RBFOX1: variants seen among roughly 807,000 people sequenced by gnomAD.
The protein encoded by RBFOX1 is RNA binding fox-1 homolog 1.
A neutral mutation model predicts 57.7 loss-of-function variants in RBFOX1; 8 were observed. The observed-to-expected ratio is 0.14, with a 90% CI of 0.08 to 0.25. RBFOX1 has a LOEUF of 0.25. RBFOX1 is among the 10% of genes least tolerant of loss of function. The probability of loss-of-function intolerance (pLI) is 1.00; values close to 1 mark genes in which losing one functional copy is unlikely to be tolerated. For missense variants in RBFOX1, 611 were observed against 548.5 expected, an observed-to-expected ratio of 1.11 and a Z score of -1.14; for synonymous variants, 326 against 222.4, an observed-to-expected ratio of 1.47 and a Z score of -4.15.
intron 2 of RBFOX1, among the ~76,000 whole-genome samples, chr16:6,551,292 A>C (rs942339797): frequency 6.6e-6 from 1 of 152,130 alleles, no homozygotes; most frequent in Non-Finnish European, 1.5e-5. Flanking sequence ...TCATGGTTGG[A>C]GCTTTGCTAC....
At chr16:7,398,982 A>C (rs950973061) in intron 4 of RBFOX1, among the ~76,000 whole-genome samples, 10 of 152,234 alleles carry the variant, frequency 6.6e-5, no homozygotes, top group Admixed American at 5.9e-4. Context: ...TTTGATGTCA[A>C]GGTGTCAACG....
intron 1 of RBFOX1, among the ~76,000 whole-genome samples, chr16:6,259,822 C>G (rs1289631686): frequency 6.6e-6 from 1 of 151,754 alleles, no homozygotes; most frequent in African/African-American, 2.4e-5. Context: ...GTAGCCAGGC[C>G]TGGTGGTGCA....
At chr16:6,588,730 G>C (rs1409877734) in intron 2 of RBFOX1, among the ~76,000 whole-genome samples, 1 of 152,098 alleles carries the variant, frequency 6.6e-6, no homozygotes, top group Non-Finnish European at 1.5e-5. Context: ...AGTTAGTCTT[G>C]GACCATTTTC....
chr16:7,541,766 T>G (rs1484635671), intron 5 of RBFOX1, among the ~76,000 whole-genome samples: 1 of 152,214 alleles, frequency 6.6e-6, no homozygotes, highest in Non-Finnish European at 1.5e-5. Flanking sequence ...GCCTTGGGCC[T>G]GTCATGTTTT....
intron 2 of RBFOX1, among the ~76,000 whole-genome samples, chr16:6,347,881 C>T (rs1371649908): frequency 6.6e-6 from 1 of 152,196 alleles, no homozygotes; most frequent in Admixed American, 6.5e-5. Context: ...TCCTCAGTGA[C>T]CTCCAACAGC....
intron 2 of RBFOX1, among the ~76,000 whole-genome samples, chr16:5,505,967 C>A (rs1222895558): frequency 1.3e-5 from 2 of 152,130 alleles, no homozygotes; most frequent in Non-Finnish European, 2.9e-5. Flanking sequence ...TCCCCTCCCG[C>A]ATTGACCCAG....
At position 7,507,565 on chromosome 16, in the gene RBFOX1, C is replaced by CTTT. The variant is rs3030308; in HGVS notation, c.28-10568_28-10566dup. On this transcript the variant is annotated intron_variant, in intron 4 of 15. Coordinates refer to ENST00000550418, the MANE Select transcript of RBFOX1 (RefSeq NM_018723.4). ...AACGTGATTTTTTTTTTCTTTCTTT[C>CTTT]TTTTTTTTTTTTTTTTGAGACGGAG... Among the ~76,000 whole-genome samples the CTTT allele has an allele frequency of 9.9e-3, 1,311 of 132,438 alleles. 25 individuals carry two copies. Among genetic ancestry groups the CTTT allele is most frequent in the Middle Eastern group, 0.021 (5 of 236 alleles). 86.9% of individuals were successfully genotyped at this position (132,438 alleles called of 152,430 possible). A position where few individuals can be genotyped will look rare whatever the true frequency, so the allele number is the denominator to read the frequency against.
intron 4 of RBFOX1, among the ~76,000 whole-genome samples, chr16:7,118,339 G>C (rs1241718525): frequency 6.6e-6 from 1 of 151,102 alleles, no homozygotes; most frequent in Non-Finnish European, 1.5e-5. Flanking sequence ...CTGATGATTA[G>C]TGATAAGCAT....
At chr16:5,441,897 C>T (rs1365806970) in intron 1 of RBFOX1, among the ~76,000 whole-genome samples, 1 of 152,124 alleles carries the variant, frequency 6.6e-6, no homozygotes, top group African/African-American at 2.4e-5. Context: ...CAGTAATCTC[C>T]ACTTGTTCTC....
At chr16:6,711,557 G>A (rs764941057) in intron 3 of RBFOX1, among the ~76,000 whole-genome samples, 1 of 152,188 alleles carries the variant, frequency 6.6e-6, no homozygotes, top group Non-Finnish European at 1.5e-5. Context: ...TGGCAGTTCT[G>A]CCCTCACTCT....
At chr16:5,941,282 G>T (rs999941456) in intron 4 of RBFOX1, among the ~76,000 whole-genome samples, 1 of 152,016 alleles carries the variant, frequency 6.6e-6, no homozygotes. Flanking sequence ...TTGAGGCCAG[G>T]AGTTCAAGAC....
chr16:5,536,640 G>T (rs1333758605), intron 2 of RBFOX1, among the ~76,000 whole-genome samples: 1 of 152,140 alleles, frequency 6.6e-6, no homozygotes, highest in African/African-American at 2.4e-5. Context: ...GCATAAATGG[G>T]AGACAAGCGT....
At chr16:5,520,078 A>G (rs191554751) in intron 2 of RBFOX1, among the ~76,000 whole-genome samples, 11 of 152,320 alleles carry the variant, frequency 7.2e-5, no homozygotes, top group Admixed American at 4.6e-4. Context: ...ACAGGATGTG[A>G]TGGAATCATT....
intron 4 of RBFOX1, among the ~76,000 whole-genome samples, chr16:5,877,534 C>A (rs561927863): frequency 6.6e-5 from 10 of 152,330 alleles, no homozygotes; most frequent in African/African-American, 2.4e-4. Context: ...GCAGGCGAGC[C>A]CCACAACTGG....
chr16:6,060,945 G>T (rs1045626805), intron 1 of RBFOX1, among the ~76,000 whole-genome samples: 3 of 152,178 alleles, frequency 2.0e-5, no homozygotes, highest in Non-Finnish European at 4.4e-5. Context: ...ACACGGGGCT[G>T]CCCTGAACCC....
intron 4 of RBFOX1, among the ~76,000 whole-genome samples, chr16:7,460,684 T>A (rs998842188): frequency 2.0e-5 from 3 of 151,820 alleles, no homozygotes; most frequent in African/African-American, 7.3e-5. Context: ...TTTACCTGTG[T>A]AACAATCCTG....
At chr16:5,330,708 T>C (rs2064729507) in intron 1 of RBFOX1, among the ~76,000 whole-genome samples, 1 of 126,310 alleles carries the variant, frequency 7.9e-6, no homozygotes, top group African/African-American at 3.5e-5. Context: ...CCCAGCCTAC[T>C]TTTTTTTTTT....
intron 2 of RBFOX1, among the ~76,000 whole-genome samples, chr16:6,485,211 G>C (rs775539884): frequency 2.0e-5 from 3 of 152,146 alleles, no homozygotes; most frequent in Non-Finnish European, 4.4e-5. Flanking sequence ...GATTTTCCAA[G>C]TCTTATCTGC....
chr16:5,492,797 A>G lies in RBFOX1; in HGVS notation c.258+25543A>G, dbSNP rs149987635. ...AGAAAGTCATGAATATCTCACTCTT[A>G]TTTAGTGTTCTAAACCATTAAACCA... On this transcript the variant is annotated intron_variant, in intron 2 of 2. Transcript: ENST00000585867. Among the ~76,000 whole-genome samples, 323 of 152,346 alleles carry G rather than the reference A, an allele frequency of 2.1e-3. 2 individuals carry two copies. Among genetic ancestry groups the G allele is most frequent in the African/African-American group, 7.3e-3 (305 of 41,580 alleles).
Sources: allele counts gnomAD v4.1 joint callset (sites outside exome capture counted in the v4.1 genomes callset), GRCh38; gene constraint gnomAD v4.1.1; transcripts MANE v1.5; gene names NCBI Gene and HGNC (gene_info 2026-07-23, HGNC 2026-07-21).